The following ARL14EPL variants were observed in gnomAD, a reference collection of about 807,000 sequenced individuals.
ARL14EPL encodes the protein ARF like GTPase 14 effector protein like.
In ARL14EPL, 17 loss-of-function variants were observed where a neutral mutation model predicts 15.9. That is an observed-to-expected ratio of 1.07 (90% CI 0.73 to 1.60). ARL14EPL has a LOEUF of 1.60. ARL14EPL is among the 40% of genes most tolerant of loss of function. The pLI, the probability that ARL14EPL is intolerant of heterozygous loss-of-function variation, is 0.00. For synonymous variants in ARL14EPL, 78 were observed against 63.8 expected, an observed-to-expected ratio of 1.22 and a Z score of -1.06; for missense variants, 214 against 185.9, an observed-to-expected ratio of 1.15 and a Z score of -0.88.
chr5:116,039,256 T>C (rs1749104901), intron 1 of ARL14EPL, among the ~76,000 whole-genome samples: 1 of 152,082 alleles, frequency 6.6e-6, no homozygotes, highest in African/African-American at 2.4e-5. Context: ...CCCCAGGCCC[T>C]CCTCCTATCA....
intron 3 of ARL14EPL, among the ~76,000 whole-genome samples, chr5:116,056,915 A>G (rs561999687): frequency 1.4e-3 from 215 of 152,284 alleles, no homozygotes; most frequent in African/African-American, 5.0e-3. Context: ...ATCCTCCCTG[A>G]CTCATTTTAT....
intron 1 of ARL14EPL, among the ~76,000 whole-genome samples, chr5:116,041,365 A>G (rs1749154968): frequency 6.6e-6 from 1 of 152,208 alleles, no homozygotes; most frequent in Non-Finnish European, 1.5e-5. Flanking sequence ...AAGGCATGCC[A>G]GTTCTACAAG....
intron 2 of ARL14EPL, among the ~76,000 whole-genome samples, chr5:116,053,209 A>C (rs2940565): frequency 5.3e-5 from 8 of 151,880 alleles, no homozygotes; most frequent in African/African-American, 1.7e-4. Context: ...AAAATTAGCC[A>C]AGCATGGTGG....
intron 1 of ARL14EPL, among the ~76,000 whole-genome samples, chr5:116,044,320 TC>T (rs1322662617): frequency 8.5e-5 from 13 of 152,106 alleles, no homozygotes; most frequent in Admixed American, 8.5e-4. Flanking sequence ...CAACATAATA[TC>T]CAAACCCTGG....
At chr5:116,054,495 A>C (rs779296107) in intron 3 of ARL14EPL, among the ~76,000 whole-genome samples, 3 of 152,202 alleles carry the variant, frequency 2.0e-5, no homozygotes, top group Non-Finnish European at 4.4e-5. Context: ...TGGGCACAGG[A>C]CTATCATCAA....
chr5:116,054,059 G>A lies in ARL14EPL; in HGVS notation c.142G>A (p.Gly48Arg). 1 of 1,535,534 alleles carries A rather than the reference G, an allele frequency of 6.5e-7. No individual in the cohort carries two copies. ...QLKCLAFRNP[G>R]PQVADFNPET... ...AAAATGCTTGGCATTTCGAAACCCT[G>A]GACCACAGGTAGCAGACTTTAATCC... The change falls in exon 3 of 4, where the codon GGA becomes AGA. Residue 48 changes from glycine (G) to arginine (R), a missense_variant. Coordinates refer to ENST00000686077, the MANE Select transcript of ARL14EPL (RefSeq NM_001195581.2).
chr5:116,059,042 G>A lies in ARL14EPL; in HGVS notation c.*95G>A, dbSNP rs1289628296. The A allele has an allele frequency of 1.0e-5, 12 of 1,156,892 alleles. No individual in the cohort carries two copies. Among genetic ancestry groups the A allele is most frequent in the Admixed American group, 6.6e-5 (3 of 45,344 alleles). The allele number at this position is 1,156,892 out of a possible 1,614,324, so 71.7% of individuals were successfully genotyped here. On this transcript the variant is annotated 3_prime_UTR_variant, in exon 4 of 4. Transcript: ENST00000686077. ...AATTTTAGGGCTTGGGGGAAATATC[G>A]AAAAAACATACTGAAGACTCATGTT...
At chr5:116,051,215 A>G in intron 1 of ARL14EPL, 1 of 417,250 alleles carries the variant, frequency 2.4e-6, no homozygotes, top group Non-Finnish European at 4.3e-6. Flanking sequence ...GATGCTAAGG[A>G]CTGTCAAAGG....
rs1007599273 is a variant in ARL14EPL, at chr5:116,050,858, G to C, written c.-9-599G>C. ...ACACACACACACACACACACACACA[G>C]ACGCACGCACCCTGTATATATACTA... is the stretch of plus-strand genomic sequence containing the variant. On this transcript the variant is annotated intron_variant, in intron 1 of 3. Coordinates refer to ENST00000686077, the MANE Select transcript of ARL14EPL (RefSeq NM_001195581.2). Among the ~76,000 whole-genome samples, 168 of 53,746 alleles carry C rather than the reference G, an allele frequency of 3.1e-3. 1 individual carries two copies. Among genetic ancestry groups the C allele is most frequent in the African/African-American group, 9.2e-3 (153 of 16,618 alleles). The allele number at this position is 53,746 out of a possible 152,430, so 35.3% of individuals were successfully genotyped here.
intron 1 of ARL14EPL, among the ~76,000 whole-genome samples, chr5:116,039,825 G>A (rs142414012): frequency 6.6e-6 from 1 of 152,226 alleles, no homozygotes; most frequent in East Asian, 1.9e-4. Flanking sequence ...ATGATATAAT[G>A]AACAAATTTA....
At chr5:116,055,744 C>T (rs933343738) in intron 3 of ARL14EPL, among the ~76,000 whole-genome samples, 1 of 152,012 alleles carries the variant, frequency 6.6e-6, no homozygotes, top group African/African-American at 2.4e-5. Context: ...GTGTACTGCA[C>T]CCATTAACTC....
At chr5:116,054,251 T>C in intron 3 of ARL14EPL, 98 bp downstream of exon 3, 1 of 1,230,260 alleles carries the variant, frequency 8.1e-7, no homozygotes, top group Non-Finnish European at 1.1e-6. Context: ...TATTATTTAT[T>C]ATTTAAAAAT....
At chr5:116,040,195 T>A (rs1263880213) in intron 1 of ARL14EPL, among the ~76,000 whole-genome samples, 1 of 152,118 alleles carries the variant, frequency 6.6e-6, no homozygotes, top group African/African-American at 2.4e-5. Context: ...AAAGATAATG[T>A]CTATTTTAAA....
At chr5:116,057,340 G>T (rs187275801) in intron 3 of ARL14EPL, among the ~76,000 whole-genome samples, 2 of 152,080 alleles carry the variant, frequency 1.3e-5, no homozygotes, top group African/African-American at 4.8e-5. Context: ...TGGGCACACA[G>T]AAGTTTGTTT....
chr5:116,040,248 A>T (rs1400640587), intron 1 of ARL14EPL, among the ~76,000 whole-genome samples: 1 of 152,076 alleles, frequency 6.6e-6, no homozygotes, highest in Non-Finnish European at 1.5e-5. Context: ...TTTCTATTAT[A>T]GGCATTTGGT....
intron 1 of ARL14EPL, among the ~76,000 whole-genome samples, chr5:116,050,829 GCACACACA>G (rs10612147): frequency 1.1e-4 from 15 of 140,976 alleles, no homozygotes; most frequent in South Asian, 2.4e-4. Context: ...ACACACACAT[GCACACACA>G]CACACACACA....
At chr5:116,033,115 T>G (rs1194245121) in intron 1 of ARL14EPL, among the ~76,000 whole-genome samples, 3 of 152,250 alleles carry the variant, frequency 2.0e-5, no homozygotes, top group Admixed American at 1.3e-4. Context: ...TATGTATTCT[T>G]AATTGTTACA....
chr5:116,042,349 G>A (rs528115406), intron 1 of ARL14EPL, among the ~76,000 whole-genome samples: 1 of 152,322 alleles, frequency 6.6e-6, no homozygotes, highest in Non-Finnish European at 1.5e-5. Context: ...TCATTAAGAA[G>A]TATTTATCTG....
intron 1 of ARL14EPL, among the ~76,000 whole-genome samples, chr5:116,044,952 T>G (rs1749236328): frequency 6.6e-6 from 1 of 152,196 alleles, no homozygotes; most frequent in Non-Finnish European, 1.5e-5. Context: ...AAGGTATGTG[T>G]TCTTTCTCTT....
Sources: gnomAD v4.1 joint callset for allele counts (sites outside exome capture counted in the v4.1 genomes callset) on GRCh38, gnomAD v4.1.1 for gene constraint, MANE v1.5 for transcripts, NCBI Gene and HGNC (gene_info 2026-07-23, HGNC 2026-07-21) for gene names.